The following C12orf42 variants were observed in gnomAD, a reference collection of about 807,000 sequenced individuals.
The protein encoded by C12orf42 is chromosome 12 open reading frame 42.
In C12orf42, 25 loss-of-function variants were observed where a neutral mutation model predicts 21.6. That is an observed-to-expected ratio of 1.16 (90% CI 0.84 to 1.62). The LOEUF (loss-of-function observed/expected upper bound fraction) is 1.62. Ranked by LOEUF, C12orf42 falls within the 40% of genes most tolerant of loss-of-function variation. The pLI is 0.00. For missense variants in C12orf42, 483 were observed against 459.3 expected, an observed-to-expected ratio of 1.05 and a Z score of -0.47; for synonymous variants, 174 against 175.0, an observed-to-expected ratio of 0.99 and a Z score of 0.05.
the C12orf42 span, among the ~76,000 whole-genome samples, chr12:103,228,029 T>G: frequency 1.3e-5 from 2 of 152,284 alleles, no homozygotes; most frequent in African/African-American, 2.4e-5. Flanking sequence ...TGGATCTTTC[T>G]AATGGAGCGA....
chr12:103,162,466 T>C, the C12orf42 span, among the ~76,000 whole-genome samples: 2 of 151,864 alleles, frequency 1.3e-5, no homozygotes, highest in African/African-American at 4.8e-5. Flanking sequence ...GCACCTTCAG[T>C]TACAACTGTG....
chr12:103,384,984 G>C (rs758984400), intron 3 of C12orf42, among the ~76,000 whole-genome samples: 1 of 152,096 alleles, frequency 6.6e-6, no homozygotes, highest in African/African-American at 2.4e-5. Flanking sequence ...GAAGCTAGAG[G>C]GTTGGGGTAC....
the C12orf42 span, among the ~76,000 whole-genome samples, chr12:103,163,350 AG>A: frequency 5.8e-4 from 89 of 152,338 alleles, no homozygotes; most frequent in African/African-American, 1.9e-3. Flanking sequence ...GGAATCAGGT[AG>A]CCAACTATTT....
chr12:103,155,563 G>T, the C12orf42 span, among the ~76,000 whole-genome samples: 1 of 152,094 alleles, frequency 6.6e-6, no homozygotes, highest in African/African-American at 2.4e-5. Context: ...CTCCCAGAGA[G>T]CACATTGGGA....
At chr12:103,373,456 G>T (rs932937254) in intron 3 of C12orf42, among the ~76,000 whole-genome samples, 1 of 152,150 alleles carries the variant, frequency 6.6e-6, no homozygotes, top group Non-Finnish European at 1.5e-5. Flanking sequence ...CTTTTCAATT[G>T]TTTGCCTGCC....
At chr12:103,448,661 T>C (rs764848454) in intron 2 of C12orf42, among the ~76,000 whole-genome samples, 1 of 151,742 alleles carries the variant, frequency 6.6e-6, no homozygotes, top group African/African-American at 2.4e-5. Flanking sequence ...AGATATACAA[T>C]TGGCCAACAA....
chr12:103,498,760 T>C (rs1049664301), upstream of C12orf42, among the ~76,000 whole-genome samples: 6 of 149,988 alleles, frequency 4.0e-5, no homozygotes, highest in Non-Finnish European at 8.8e-5. Flanking sequence ...CTCAGCAAAC[T>C]AACACTAGAA....
chr12:103,108,256 G>A, the C12orf42 span, among the ~76,000 whole-genome samples: 1 of 151,686 alleles, frequency 6.6e-6, no homozygotes, highest in African/African-American at 2.4e-5. Context: ...CAATTGTCCT[G>A]TTATATAAGA....
chr12:103,430,414 T>C (rs1950178771), intron 2 of C12orf42, among the ~76,000 whole-genome samples: 1 of 152,192 alleles, frequency 6.6e-6, no homozygotes, highest in African/African-American at 2.4e-5. Context: ...CACAATGAGA[T>C]ACCATCTCAC....
At chr12:103,474,112 G>A (rs1355796901) in intron 2 of C12orf42, among the ~76,000 whole-genome samples, 1 of 152,044 alleles carries the variant, frequency 6.6e-6, no homozygotes, top group Non-Finnish European at 1.5e-5. Flanking sequence ...AAGCTCAATG[G>A]GACCTGAAGT....
the C12orf42 span, among the ~76,000 whole-genome samples, chr12:103,079,669 C>G: frequency 2.6e-5 from 4 of 152,172 alleles, no homozygotes; most frequent in African/African-American, 9.7e-5. Context: ...TTATTTCTTG[C>G]TCATAATACA....
chr12:103,279,936 G>A (rs748992453), intron 4 of C12orf42, among the ~76,000 whole-genome samples: 2 of 152,166 alleles, frequency 1.3e-5, no homozygotes, highest in African/African-American at 2.4e-5. Flanking sequence ...AAGTGAAAGC[G>A]TATGACAGGG....
the C12orf42 span, among the ~76,000 whole-genome samples, chr12:103,215,240 A>G: frequency 6.6e-6 from 1 of 151,972 alleles, no homozygotes; most frequent in South Asian, 2.1e-4. Flanking sequence ...ACTAACACTA[A>G]CTCTGACACT....
At chr12:103,245,296 C>T (rs951272556) in intron 10 of C12orf42, among the ~76,000 whole-genome samples, 1 of 152,072 alleles carries the variant, frequency 6.6e-6, no homozygotes, top group Non-Finnish European at 1.5e-5. Flanking sequence ...TTATTAAGCT[C>T]TCTTGGTTCC....
chr12:103,484,554 T>A (rs1294689816), intron 1 of C12orf42, among the ~76,000 whole-genome samples: 1 of 149,526 alleles, frequency 6.7e-6, no homozygotes, highest in African/African-American at 2.6e-5. Flanking sequence ...ATTCTGGATA[T>A]TAGCCCCTTG....
intron 4 of C12orf42, among the ~76,000 whole-genome samples, chr12:103,294,386 AGAAAAAG>A (rs2037014164): frequency 8.8e-6 from 1 of 113,406 alleles, no homozygotes. Context: ...AGAAGAAAGA[AGAAAAAG>A]AAAGAAAGAA....
chr12:103,250,637 A>G (rs1452726543), intron 10 of C12orf42, among the ~76,000 whole-genome samples: 1 of 152,194 alleles, frequency 6.6e-6, no homozygotes. Context: ...CTGATCTTCA[A>G]GAAATGTTAG....
chr12:103,522,820 T>C, the C12orf42 span, among the ~76,000 whole-genome samples: 1 of 152,238 alleles, frequency 6.6e-6, no homozygotes, highest in South Asian at 2.1e-4. Flanking sequence ...TCTCAGACTC[T>C]ACTTAGATGC....
At chr12:103,378,222 G>T (rs540278989) in intron 3 of C12orf42, among the ~76,000 whole-genome samples, 24 of 152,262 alleles carry the variant, frequency 1.6e-4, no homozygotes, top group African/African-American at 5.8e-4. Context: ...ACAGAGTTTA[G>T]GGAAGGGGAT....
Sources: allele counts gnomAD v4.1 joint callset (sites outside exome capture counted in the v4.1 genomes callset), GRCh38; gene constraint gnomAD v4.1.1; transcripts MANE v1.5; gene names NCBI Gene and HGNC (gene_info 2026-07-23, HGNC 2026-07-21).